Variants in PPME1 observed in about 807,000 individuals in gnomAD.
PPME1 encodes testicular secretory protein Li 39.
Under a neutral mutation model 56.9 loss-of-function variants are expected in PPME1, and 17 were observed. That is an observed-to-expected ratio of 0.30 (90% CI 0.20 to 0.45). The LOEUF is 0.45. Among genes scored for constraint, PPME1 ranks in the 20% least tolerant of loss-of-function variants. The pLI is 1.00. For missense variants in PPME1, 357 were observed against 483.2 expected, an observed-to-expected ratio of 0.74 and a Z score of 2.45; for synonymous variants, 122 against 156.2, an observed-to-expected ratio of 0.78 and a Z score of 1.63.
chr11:74,213,730 CAA>C (rs1021105950), intron 3 of PPME1, among the ~76,000 whole-genome samples: 17 of 152,368 alleles, frequency 1.1e-4, no homozygotes, highest in African/African-American at 4.1e-4. Context: ...CCAACACCAC[CAA>C]AATAGTACCT....
At chr11:74,239,103 G>A (rs1314039724) in intron 8 of PPME1, 30 bp from the exon 9 acceptor site, 1 of 1,601,562 alleles carries the variant, frequency 6.2e-7, no homozygotes, top group South Asian at 1.1e-5. Context: ...GGAAAGAGGT[G>A]TGTAATAGCA....
intron 1 of PPME1, among the ~76,000 whole-genome samples, chr11:74,203,071 G>A (rs546451266): frequency 1.3e-5 from 2 of 152,030 alleles, no homozygotes; most frequent in East Asian, 1.9e-4. Context: ...ATTTTCATCG[G>A]TCCCCTATTG....
At chr11:74,177,687 G>A (rs1857435466) in intron 1 of PPME1, among the ~76,000 whole-genome samples, 2 of 151,982 alleles carry the variant, frequency 1.3e-5, no homozygotes, top group African/African-American at 4.8e-5. Context: ...TAATCCCATA[G>A]ACTAGTGCCA....
intron 1 of PPME1, among the ~76,000 whole-genome samples, chr11:74,180,791 T>G (rs1857512510): frequency 6.6e-6 from 1 of 152,210 alleles, no homozygotes; most frequent in Non-Finnish European, 1.5e-5. Flanking sequence ...CACACTAGCC[T>G]TATTTTATAG....
intron 11 of PPME1, chr11:74,247,415 A>AC: frequency 2.8e-6 from 1 of 355,746 alleles, no homozygotes; most frequent in Non-Finnish European, 5.1e-6. Context: ...AAAATTATAA[A>AC]GTACTGTATA....
chr11:74,237,085 A>G (rs962173686), intron 8 of PPME1, among the ~76,000 whole-genome samples: 1 of 149,486 alleles, frequency 6.7e-6, no homozygotes, highest in East Asian at 1.9e-4. Flanking sequence ...TGTTTGCCCC[A>G]TAGAATTTCC....
chr11:74,231,786 G>C (rs1859074998), intron 7 of PPME1, among the ~76,000 whole-genome samples: 1 of 152,120 alleles, frequency 6.6e-6, no homozygotes, highest in Non-Finnish European at 1.5e-5. Flanking sequence ...GATGGCTATA[G>C]GTTCCATTCC....
rs1290640689 is a variant in PPME1 at position 74,248,047 on chromosome 11, TATA to T, written c.1009+927_1009+929del. 3 of 152,358 alleles carry T rather than the reference TATA, an allele frequency of 2.0e-5. No individual in the cohort carries two copies. The East Asian group carries it at 5.8e-4, about 30-fold the overall frequency. 9.4% of individuals were successfully genotyped at this position (152,358 alleles called of 1,614,324 possible). A position where few individuals can be genotyped will look rare whatever the true frequency, so the allele number is the denominator to read the frequency against. On this transcript the variant is annotated intron_variant, in intron 11 of 13. Transcript: ENST00000328257. Reference sequence around the variant, plus strand: ...TGGCAGCCTCAAACAGATCGTGGGGTATAATGAGTAGGAAAGTGACATGCTGAG... The same window carrying T: ...TGGCAGCCTCAAACAGATCGTGGGGTATGAGTAGGAAAGTGACATGCTGAG...
At chr11:74,177,874 A>C (rs1408956321) in intron 1 of PPME1, among the ~76,000 whole-genome samples, 4 of 152,240 alleles carry the variant, frequency 2.6e-5, no homozygotes. Context: ...AGTTATATTC[A>C]ATCTAATATT....
intron 1 of PPME1, among the ~76,000 whole-genome samples, chr11:74,203,295 G>A (rs566487160): frequency 6.6e-6 from 1 of 152,252 alleles, no homozygotes; most frequent in Non-Finnish European, 1.5e-5. Context: ...ATGTGTAAAG[G>A]AGTGATAGTG....
At chr11:74,245,344 T>G (rs1859476483) in intron 9 of PPME1, among the ~76,000 whole-genome samples, 1 of 152,192 alleles carries the variant, frequency 6.6e-6, no homozygotes, top group Non-Finnish European at 1.5e-5. Flanking sequence ...TTTTAGATTT[T>G]CATATTGTGG....
At chr11:74,193,150 G>A (rs1565378725) in intron 1 of PPME1, among the ~76,000 whole-genome samples, 2 of 152,162 alleles carry the variant, frequency 1.3e-5, no homozygotes, top group South Asian at 4.1e-4. Context: ...TTAATGGTAT[G>A]TTGTATCTTT....
chr11:74,194,977 G>A (rs746990538), intron 1 of PPME1, among the ~76,000 whole-genome samples: 3 of 152,186 alleles, frequency 2.0e-5, no homozygotes, highest in Non-Finnish European at 4.4e-5. Flanking sequence ...CCTATTTGGA[G>A]CAGATGAATG....
chr11:74,203,222 A>G (rs943349110), intron 1 of PPME1, among the ~76,000 whole-genome samples: 3 of 152,252 alleles, frequency 2.0e-5, no homozygotes, highest in Admixed American at 2.0e-4. Flanking sequence ...TTTGCCTTCC[A>G]TGGAGGTTGT....
At chr11:74,239,001 C>A in intron 8 of PPME1, 132 bp from the exon 9 acceptor site, 1 of 902,904 alleles carries the variant, frequency 1.1e-6, no homozygotes, top group South Asian at 1.9e-5. Context: ...ATGCACAATT[C>A]TATCCTCCTA....
chr11:74,203,750 T>C lies in PPME1; in HGVS notation c.124T>C (p.Ser42Pro), dbSNP rs148853537. The C allele has an allele frequency of 3.7e-6, 6 of 1,611,748 alleles. No individual in the cohort carries two copies. ...RMGPGRKRDF[S>P]PVPWSQYFES... is the part of the protein sequence containing the mutation. ...CAGCCCTGGAAGAAAGCGGGACTTT[T>C]CCCCTGTTCCTTGGAGTCAGTATTT... The change falls in exon 2 of 14, where the codon TCC becomes CCC. Residue 42 changes from serine (S) to proline (P), a missense_variant. Transcript: ENST00000328257.
intron 1 of PPME1, among the ~76,000 whole-genome samples, chr11:74,176,511 A>C (rs1259919394): frequency 6.6e-6 from 1 of 151,982 alleles, no homozygotes; most frequent in African/African-American, 2.4e-5. Context: ...TAAATGTACA[A>C]TTCAGTGATT....
chr11:74,222,287 T>C (rs1227275946), intron 3 of PPME1, 25 bp from the exon 4 acceptor site: 2 of 1,574,178 alleles, frequency 1.3e-6, no homozygotes, highest in Non-Finnish European at 8.7e-7. Context: ...AGATGTGTCT[T>C]AACTACTTTT....
Position 74,230,526 on chromosome 11 carries a change from CTTTT to C in PPME1, c.553+130_553+133del. On this transcript the variant is annotated intron_variant, in intron 6 of 13. Transcript: ENST00000328257. The surrounding 1 kb of genome is among the most constrained non-coding windows in gnomAD (Gnocchi z 4.9). Reference sequence around the variant, plus strand: ...GAAATATGTCCCTCTGTCTTTATATCTTTTTTAAGTTTATACAAGATAACCATTT... The same window carrying C: ...GAAATATGTCCCTCTGTCTTTATATCTTAAGTTTATACAAGATAACCATTT... 3 of 1,165,898 alleles carry C rather than the reference CTTTT, an allele frequency of 2.6e-6. No homozygotes were observed. The highest frequency in any genetic ancestry group is 3.6e-6 in the Non-Finnish European group (3 of 822,184). The allele number at this position is 1,165,898 out of a possible 1,614,324, so 72.2% of individuals were successfully genotyped here.
Sources: gnomAD v4.1 joint callset for allele counts (sites outside exome capture counted in the v4.1 genomes callset) on GRCh38, gnomAD v4.1.1 for gene constraint, Gnocchi (gnomAD v3.1) non-coding constraint, MANE v1.5 for transcripts, NCBI Gene and HGNC (gene_info 2026-07-23, HGNC 2026-07-21) for gene names.